The following GLIS1 variants were observed in gnomAD, a reference collection of about 807,000 sequenced individuals.
GLIS1 encodes GLIS family zinc finger 1, also known as zinc finger protein GLIS1.
In GLIS1, 24 loss-of-function variants were observed where a neutral mutation model predicts 63.8. The observed-to-expected ratio is 0.38, with a 90% CI of 0.27 to 0.53. GLIS1 has a LOEUF of 0.53. Ranked by LOEUF, GLIS1 falls within the 20% of genes least tolerant of loss-of-function variation. The pLI, the probability that GLIS1 is intolerant of heterozygous loss-of-function variation, is 0.85. For synonymous variants in GLIS1, 450 were observed against 482.5 expected (o/e 0.93, Z 0.88); for missense variants, 1,036 against 1,074.1 (o/e 0.96, Z 0.50).
At chr1:53,637,449 G>A (rs1001537302) in intron 2 of GLIS1, among the ~76,000 whole-genome samples, 2 of 152,278 alleles carry the variant, frequency 1.3e-5, no homozygotes, top group African/African-American at 4.8e-5. Context: ...TGTGAGAACC[G>A]TGGACCCAGC....
chr1:53,698,441 C>T (rs1646489318), intron 2 of GLIS1, among the ~76,000 whole-genome samples: 1 of 152,244 alleles, frequency 6.6e-6, no homozygotes, highest in African/African-American at 2.4e-5. Flanking sequence ...CCATGGTTCT[C>T]TCACTTAGGG....
At chr1:53,508,243 C>T (rs968248836) in intron 10 of GLIS1, among the ~76,000 whole-genome samples, 7 of 152,232 alleles carry the variant, frequency 4.6e-5, no homozygotes, top group Admixed American at 1.3e-4. Flanking sequence ...GTGCAAGCCC[C>T]GCAAGCACGG....
intron 4 of GLIS1, among the ~76,000 whole-genome samples, chr1:53,540,733 C>T (rs113799087): frequency 1.7e-3 from 257 of 152,270 alleles, no homozygotes; most frequent in African/African-American, 5.8e-3. Flanking sequence ...CACCAGGGAC[C>T]GCCTGCCCAG....
At chr1:53,596,640 G>T (rs536926318) in intron 3 of GLIS1, among the ~76,000 whole-genome samples, 11 of 152,308 alleles carry the variant, frequency 7.2e-5, no homozygotes, top group Admixed American at 2.0e-4. Context: ...AGCCAGAGCT[G>T]TGGGGTCATC....
chr1:53,588,301 AC>A (rs1468278182), intron 4 of GLIS1, among the ~76,000 whole-genome samples: 2 of 152,066 alleles, frequency 1.3e-5, no homozygotes, highest in Non-Finnish European at 2.9e-5. Context: ...TCATCTCTGC[AC>A]CCCCAGCTCC....
chr1:53,682,633 G>T (rs1424516088), intron 2 of GLIS1, among the ~76,000 whole-genome samples: 1 of 152,246 alleles, frequency 6.6e-6, no homozygotes, highest in Non-Finnish European at 1.5e-5. Context: ...ATAACGCAGA[G>T]CCAAGGGGCA....
At chr1:53,654,561 T>C (rs919737831) in intron 2 of GLIS1, among the ~76,000 whole-genome samples, 13 of 151,744 alleles carry the variant, frequency 8.6e-5, no homozygotes, top group Non-Finnish European at 1.5e-4. Context: ...CTGGATGAGA[T>C]TGAGAGAAAG....
chr1:53,708,905 A>G (rs1371777377), intron 2 of GLIS1, among the ~76,000 whole-genome samples: 1 of 152,180 alleles, frequency 6.6e-6, no homozygotes, highest in East Asian at 1.9e-4. Context: ...TACCCAGCAC[A>G]CAAGGGGCAC....
At chr1:53,631,804 G>C (rs550510429) in intron 2 of GLIS1, among the ~76,000 whole-genome samples, 5 of 152,244 alleles carry the variant, frequency 3.3e-5, no homozygotes, top group Non-Finnish European at 7.4e-5. Flanking sequence ...GGTCTCGGGG[G>C]AGGGCATTTC....
intron 2 of GLIS1, among the ~76,000 whole-genome samples, chr1:53,647,385 G>A (rs1300498194): frequency 6.6e-6 from 1 of 152,190 alleles, no homozygotes; most frequent in Admixed American, 6.5e-5. Context: ...AGAGAATCCA[G>A]AAATAGAGCC....
intron 2 of GLIS1, among the ~76,000 whole-genome samples, chr1:53,642,186 G>A (rs1001605936): frequency 5.3e-5 from 8 of 152,366 alleles, no homozygotes; most frequent in Middle Eastern, 3.4e-3. Flanking sequence ...GAGGACTGGT[G>A]CCCATCAAAT....
chr1:53,731,730 G>A (rs1646863250), intron 2 of GLIS1, among the ~76,000 whole-genome samples: 1 of 152,178 alleles, frequency 6.6e-6, no homozygotes, highest in Non-Finnish European at 1.5e-5. Flanking sequence ...CATCTCACCT[G>A]GCACAGAACA....
intron 1 of GLIS1, among the ~76,000 whole-genome samples, chr1:53,738,557 G>C (rs552558239): frequency 8.6e-5 from 13 of 151,910 alleles, no homozygotes; most frequent in African/African-American, 3.1e-4. Flanking sequence ...GCGCTTCGTC[G>C]ACTCTCCGGG....
chr1:53,693,739 G>T (rs901109242), intron 2 of GLIS1, among the ~76,000 whole-genome samples: 2 of 152,208 alleles, frequency 1.3e-5, no homozygotes, highest in South Asian at 4.1e-4. Flanking sequence ...GGAAGCCCGG[G>T]ATGTCGAGGC....
chr1:53,519,159 C>A (rs971891886), intron 7 of GLIS1, among the ~76,000 whole-genome samples: 1 of 152,178 alleles, frequency 6.6e-6, no homozygotes, highest in East Asian at 1.9e-4. Context: ...ATGAGCCCCC[C>A]GGTCCCTTCC....
intron 2 of GLIS1, among the ~76,000 whole-genome samples, chr1:53,732,452 G>C (rs1429762378): frequency 6.7e-6 from 1 of 149,886 alleles, no homozygotes; most frequent in Admixed American, 6.6e-5. Flanking sequence ...CCTGGACTTT[G>C]CTTCCAATGC....
intron 2 of GLIS1, among the ~76,000 whole-genome samples, chr1:53,683,530 G>A (rs1214724652): frequency 1.3e-5 from 2 of 152,116 alleles, no homozygotes; most frequent in African/African-American, 4.8e-5. Flanking sequence ...ACCTACCTCA[G>A]AGAGTTCTCA....
intron 2 of GLIS1, among the ~76,000 whole-genome samples, chr1:53,727,047 T>C (rs1177856204): frequency 1.3e-5 from 2 of 152,188 alleles, no homozygotes; most frequent in Non-Finnish European, 2.9e-5. Context: ...AGACAGGAAC[T>C]ATCTCCACTT....
At chr1:53,689,065 C>T (rs1277435459) in intron 2 of GLIS1, among the ~76,000 whole-genome samples, 1 of 152,244 alleles carries the variant, frequency 6.6e-6, no homozygotes, top group Non-Finnish European at 1.5e-5. Context: ...TGGCTGAGCA[C>T]ATTCTCTCAG....
Sources: allele counts gnomAD v4.1 joint callset (sites outside exome capture counted in the v4.1 genomes callset), GRCh38; gene constraint gnomAD v4.1.1; transcripts MANE v1.5; gene names NCBI Gene and HGNC (gene_info 2026-07-23, HGNC 2026-07-21).